PALM2AKAP2: variants seen among roughly 807,000 people sequenced by gnomAD.
The protein encoded by PALM2AKAP2 is PALM2 and AKAP2 fusion.
Under a neutral mutation model 71.5 loss-of-function variants are expected in PALM2AKAP2, and 37 were observed. The observed-to-expected ratio is 0.52, with a 90% CI of 0.40 to 0.68. The LOEUF (loss-of-function observed/expected upper bound fraction) is 0.68. Among genes scored for constraint, PALM2AKAP2 ranks in the 30% least tolerant of loss-of-function variants. The pLI is 0.00. For synonymous variants in PALM2AKAP2, 468 were observed against 478.8 expected (o/e 0.98, Z 0.29); for missense variants, 1,224 against 1,191.8 (o/e 1.03, Z -0.40).
At chr9:109,991,018 G>A (rs143995850) in intron 6 of PALM2AKAP2, among the ~76,000 whole-genome samples, 1 of 152,240 alleles carries the variant, frequency 6.6e-6, no homozygotes, top group Non-Finnish European at 1.5e-5. Flanking sequence ...GGCTTCCTAG[G>A]GCAATTACCC....
At chr9:109,822,062 G>A (rs1828021119) in intron 1 of PALM2AKAP2, among the ~76,000 whole-genome samples, 1 of 152,232 alleles carries the variant, frequency 6.6e-6, no homozygotes, top group African/African-American at 2.4e-5. Context: ...TGTTACATGA[G>A]AAATGTATTA....
chr9:109,910,095 C>A (rs1195451798), intron 3 of PALM2AKAP2, among the ~76,000 whole-genome samples: 1 of 152,096 alleles, frequency 6.6e-6, no homozygotes, highest in Non-Finnish European at 1.5e-5. Flanking sequence ...ATTTGTGGGG[C>A]AAATTGGCTT....
intron 1 of PALM2AKAP2, among the ~76,000 whole-genome samples, chr9:109,677,810 A>G (rs1827669924): frequency 6.6e-6 from 1 of 152,236 alleles, no homozygotes; most frequent in East Asian, 1.9e-4. Flanking sequence ...GGAACAACCT[A>G]GAAGGAATTG....
intron 1 of PALM2AKAP2, among the ~76,000 whole-genome samples, chr9:109,747,604 G>A (rs1828821863): frequency 6.6e-6 from 1 of 152,144 alleles, no homozygotes; most frequent in South Asian, 2.1e-4. Flanking sequence ...ATATGAGTTA[G>A]AGGCCAAGAA....
At chr9:110,001,486 T>A (rs1031914210) in intron 6 of PALM2AKAP2, among the ~76,000 whole-genome samples, 5 of 152,254 alleles carry the variant, frequency 3.3e-5, no homozygotes, top group Non-Finnish European at 5.9e-5. Flanking sequence ...AGGATTGACT[T>A]GGCAATGCAG....
rs1357774881 is a variant in PALM2AKAP2 at position 109,691,889 on chromosome 9, T to C, written c.5+51023T>C. The stretch of plus-strand genomic sequence containing the variant: ...ATATACACACACACACACATATATA[T>C]ATATATATATATACACACACACATA... On this transcript the variant is annotated intron_variant, in intron 1 of 6. Transcript: ENST00000374531. 8.3e-4 allele frequency among the ~76,000 whole-genome samples: 57 copies of C among 68,730 alleles called. 3 individuals are homozygous for C. Among genetic ancestry groups the C allele is most frequent in the African/African-American group, 3.1e-3 (54 of 17,464 alleles). 45.1% of individuals were successfully genotyped at this position (68,730 alleles called of 152,430 possible).
intron 1 of PALM2AKAP2, among the ~76,000 whole-genome samples, chr9:109,677,082 A>G (rs1179549895): frequency 6.6e-6 from 1 of 152,214 alleles, no homozygotes; most frequent in Non-Finnish European, 1.5e-5. Context: ...GGCAGTAGCT[A>G]GAAGGTTATG....
chr9:110,024,758 T>C (rs1263890615), intron 7 of PALM2AKAP2: 1 of 614,966 alleles, frequency 1.6e-6, no homozygotes, highest in Non-Finnish European at 2.8e-6. Context: ...CACTCTATCC[T>C]GGGTGATGAC....
In PALM2AKAP2 at chr9:110,136,452, C is replaced by T. The variant is rs142218756; in HGVS notation, c.482C>T (p.Thr161Met). The change falls in exon 2 of 4, where the codon ACG becomes ATG. Residue 161 changes from threonine (T) to methionine (M), a missense_variant. Physicochemically the swap from Thr to Met is moderately conservative, Grantham distance 81. Coordinates refer to ENST00000374525, the Ensembl canonical transcript of PALM2AKAP2. ...TGCTGTGATTCTGCTGTGGATGGAA[C>T]GTACAATGGAACATCCTCCCCAGAG... 25 of 1,614,028 alleles carry T rather than the reference C, an allele frequency of 1.5e-5. No homozygotes were observed. Among genetic ancestry groups the T allele is most frequent in the Middle Eastern group, 1.6e-4 (1 of 6,084 alleles).
At chr9:109,873,093 A>G (rs1206854249) in intron 2 of PALM2AKAP2, among the ~76,000 whole-genome samples, 2 of 152,142 alleles carry the variant, frequency 1.3e-5, no homozygotes, top group Non-Finnish European at 1.5e-5. Flanking sequence ...AGAAAGAGGG[A>G]CAGGACACAG....
intron 1 of PALM2AKAP2, among the ~76,000 whole-genome samples, chr9:109,810,701 T>C (rs1469960503): frequency 1.3e-5 from 2 of 152,064 alleles, no homozygotes; most frequent in Admixed American, 6.6e-5. Context: ...GGGATACTTT[T>C]AGAGATATGA....
In PALM2AKAP2 at chr9:109,677,067, TA is replaced by T. The variant is rs1160558973; in HGVS notation, c.5+36203del. On this transcript the variant is annotated intron_variant, in intron 1 of 6. Transcript: ENST00000374531. ...TAGAAATTTCACTTTTAAAGTAAAA[TA>T]AGGGGCAGTAGCTAGAAGGTTATGC... Among the ~76,000 whole-genome samples, 2 of 152,016 alleles carry T rather than the reference TA, an allele frequency of 1.3e-5. 1 individual carries two copies.
chr9:109,679,622 G>A (rs1005872627), intron 1 of PALM2AKAP2, among the ~76,000 whole-genome samples: 7 of 152,138 alleles, frequency 4.6e-5, no homozygotes, highest in African/African-American at 1.7e-4. Context: ...GAGATGCAGA[G>A]CTACTCAAAG....
intron 3 of PALM2AKAP2, among the ~76,000 whole-genome samples, chr9:109,886,879 A>G (rs1829977872): frequency 6.6e-6 from 1 of 152,264 alleles, no homozygotes. Flanking sequence ...GATTCATCAC[A>G]GAGATGACTA....
chr9:109,691,114 G>A (rs1168805808), intron 1 of PALM2AKAP2, among the ~76,000 whole-genome samples: 3 of 151,464 alleles, frequency 2.0e-5, no homozygotes, highest in African/African-American at 7.3e-5. Flanking sequence ...ATTTGCAAAT[G>A]TTCTCTTTCA....
intron 1 of PALM2AKAP2, among the ~76,000 whole-genome samples, chr9:109,788,027 T>TA (rs1302603013): frequency 6.6e-6 from 1 of 152,232 alleles, no homozygotes; most frequent in East Asian, 1.9e-4. Context: ...GATCATTGGA[T>TA]AAATGGTGCT....
chr9:109,751,948 C>T (rs1411732077), intron 1 of PALM2AKAP2, among the ~76,000 whole-genome samples: 2 of 152,092 alleles, frequency 1.3e-5, no homozygotes, highest in African/African-American at 4.8e-5. Context: ...GAAAGGTGAG[C>T]TATCTAAGTC....
intron 1 of PALM2AKAP2, among the ~76,000 whole-genome samples, chr9:109,705,573 T>A (rs762182311): frequency 1.3e-5 from 2 of 152,196 alleles, no homozygotes; most frequent in Non-Finnish European, 2.9e-5. Context: ...GGACAAAATA[T>A]TGCTATGTGA....
At chr9:109,838,746 C>A (rs1165245159) in intron 1 of PALM2AKAP2, among the ~76,000 whole-genome samples, 1 of 152,154 alleles carries the variant, frequency 6.6e-6, no homozygotes, top group Non-Finnish European at 1.5e-5. Flanking sequence ...ATACTATAAA[C>A]ACCTCTACAC....
Sources: allele counts gnomAD v4.1 joint callset (sites outside exome capture counted in the v4.1 genomes callset), GRCh38; gene constraint gnomAD v4.1.1; transcripts MANE v1.5; gene names NCBI Gene and HGNC (gene_info 2026-07-23, HGNC 2026-07-21).